The following APOL2 variants were observed in gnomAD, a reference collection of about 807,000 sequenced individuals.
APOL2 encodes the protein apolipoprotein L2.
A neutral mutation model predicts 7.1 loss-of-function variants in APOL2; 8 were observed. The observed-to-expected ratio is 1.12, with a 90% CI of 0.66 to 2.03. The LOEUF is 2.03. APOL2 is among the 30% of genes most tolerant of loss of function. The pLI is 0.00. For synonymous variants in APOL2, 177 were observed against 159.9 expected, an observed-to-expected ratio of 1.11 and a Z score of -0.81; for missense variants, 471 against 415.1, an observed-to-expected ratio of 1.13 and a Z score of -1.17.
intron 3 of APOL2, among the ~76,000 whole-genome samples, chr22:36,232,737 G>C (rs1270423290): frequency 6.6e-6 from 1 of 152,068 alleles, no homozygotes; most frequent in African/African-American, 2.4e-5. Context: ...GGACCGGCCT[G>C]TGCTGGAAAA....
At position 36,227,336 on chromosome 22, in the gene APOL2, AAAAAAG is replaced by A; in HGVS notation, c.*62_*67del. 1 of 1,465,044 alleles carries A rather than the reference AAAAAAG, an allele frequency of 6.8e-7. No homozygotes were observed. Among genetic ancestry groups the A allele is most frequent in the Non-Finnish European group, 9.1e-7 (1 of 1,100,152 alleles). The allele number at this position is 1,465,044 out of a possible 1,614,324, so 90.8% of individuals were successfully genotyped here. ...ATCTCAAAAAAAAAAAAAAAAAAAA[AAAAAAG>A]TCTGCATTTTGTCCTGGCCTGTGCC... is the stretch of plus-strand genomic sequence containing the variant. On this transcript the variant is annotated 3_prime_UTR_variant, in exon 5 of 5. Coordinates refer to ENST00000358502, the MANE Select transcript of APOL2 (RefSeq NM_030882.4).
At chr22:36,237,002 C>A in intron 1 of APOL2, 1 of 1,401,370 alleles carries the variant, frequency 7.1e-7, no homozygotes, top group Non-Finnish European at 9.3e-7. Flanking sequence ...GCCATGAGAA[C>A]CAGGAGGACC....
chr22:36,238,813 G>A (rs891806753), intron 1 of APOL2, among the ~76,000 whole-genome samples: 1 of 152,140 alleles, frequency 6.6e-6, no homozygotes, highest in Non-Finnish European at 1.5e-5. Context: ...AGAGGTGAGG[G>A]CCAGAGACGT....
At position 36,237,933 on chromosome 22, in the gene APOL2, G is replaced by A. The variant is rs146619449; in HGVS notation, c.-134+1508C>T. Among the ~76,000 whole-genome samples, 883 of 151,924 alleles carry A rather than the reference G, an allele frequency of 5.8e-3. 2 individuals carry two copies. The highest frequency in any genetic ancestry group is 0.02 in the African/African-American group (821 of 41,392). ...CAGGCCTTCACTCAGCTGCTCCCTC[G>A]CCCTGGAATGTCCCCCCCACTGTCC... On this transcript the variant is annotated intron_variant, in intron 1 of 4. Coordinates refer to ENST00000358502, the MANE Select transcript of APOL2 (RefSeq NM_030882.4).
chr22:36,230,569 C>G (rs1337932578), intron 4 of APOL2, among the ~76,000 whole-genome samples: 1 of 152,180 alleles, frequency 6.6e-6, no homozygotes, highest in South Asian at 2.1e-4. Context: ...CATCCTGACT[C>G]CAGGCTCTGA....
intron 1 of APOL2, chr22:36,237,331 G>C: frequency 7.5e-7 from 1 of 1,335,596 alleles, no homozygotes; most frequent in Non-Finnish European, 9.7e-7. Context: ...TCTCAGCAAA[G>C]CATCTCCCTC....
upstream of APOL2, chr22:36,239,852 C>T (rs1289718400): frequency 6.8e-6 from 2 of 295,732 alleles, no homozygotes; most frequent in Admixed American, 4.8e-5. Context: ...CCCCCCAACC[C>T]CCGCCCCGAT....
At chr22:36,233,300 G>A (rs2015293622) in intron 2 of APOL2, 59 bp from the exon 3 acceptor site, 1 of 1,600,618 alleles carries the variant, frequency 6.2e-7, no homozygotes, top group Non-Finnish European at 8.5e-7. Flanking sequence ...TACAGAGGGA[G>A]GCTGGAGGGG....
intron 3 of APOL2, among the ~76,000 whole-genome samples, chr22:36,231,746 T>A (rs2015232947): frequency 6.6e-6 from 1 of 152,176 alleles, no homozygotes. Flanking sequence ...AGGGCTAGTG[T>A]CCTATTGTAA....
At position 36,226,670 on chromosome 22, in the gene APOL2, G is replaced by GGC. The variant is rs1569532247; in HGVS notation, c.*733_*734insGC. ...TGGAAGGACATCAAACCTGGGGGGG[G>GGC]GTCGGTAGTGGAGCTGCTGTTTCTT... On this transcript the variant is annotated 3_prime_UTR_variant, in exon 5 of 5. Coordinates refer to ENST00000358502, the MANE Select transcript of APOL2 (RefSeq NM_030882.4). 1 of 153,622 alleles carries GGC rather than the reference G, an allele frequency of 6.5e-6. No individual in the cohort carries two copies. Among genetic ancestry groups the GGC allele is most frequent in the African/African-American group, 2.4e-5 (1 of 41,322 alleles). 9.5% of individuals were successfully genotyped at this position (153,622 alleles called of 1,614,324 possible).
upstream of APOL2, chr22:36,239,622 T>C (rs548826600): frequency 1.5e-5 from 14 of 926,648 alleles, no homozygotes; most frequent in African/African-American, 3.3e-5. Flanking sequence ...CCAAGCACAG[T>C]AAACACGCTG....
intron 1 of APOL2, among the ~76,000 whole-genome samples, chr22:36,235,744 GGTGGGT>G (rs1556621124): frequency 9.9e-6 from 1 of 100,972 alleles, no homozygotes; most frequent in African/African-American, 5.1e-5. Context: ...AGGAAGAAAG[GGTGGGT>G]GGGTGGGTGT....
chr22:36,231,610 G>A (rs2015228481), intron 3 of APOL2, 144 bp from the exon 4 acceptor site: 1 of 1,008,668 alleles, frequency 9.9e-7, no homozygotes, highest in Non-Finnish European at 1.4e-6. Context: ...GCTATAGAGG[G>A]ATTGTGTGCC....
intron 1 of APOL2, among the ~76,000 whole-genome samples, chr22:36,238,839 G>A (rs1225260666): frequency 5.3e-5 from 8 of 152,168 alleles, no homozygotes; most frequent in Non-Finnish European, 1.2e-4. Context: ...CCTATGATCT[G>A]CCTGCTCAGC....
At chr22:36,237,175 C>A in intron 1 of APOL2, 1 of 1,501,782 alleles carries the variant, frequency 6.7e-7, no homozygotes, top group East Asian at 2.6e-5. Context: ...GATACTGCCC[C>A]TCAGGCTTGA....
Position 36,228,122 on chromosome 22 carries a change from A to G in APOL2, c.296T>C (p.Leu99Pro), listed in dbSNP as rs1362008051. ...CTCAACCTCCTCTGCAAGGGCACGG[A>G]GCTTCCTTATGTGATCCTCAAGCTC... The part of the protein sequence containing the change: ...KRELEDHIRK[L>P]RALAEEVEQV... Residue 99 changes from leucine to proline, a missense_variant, in exon 5 of 5, where the codon CTC becomes CCC. By Grantham distance (98) the Leu-to-Pro change is moderately conservative. Coordinates refer to ENST00000358502, the MANE Select transcript of APOL2 (RefSeq NM_030882.4). The G allele has an allele frequency of 5.0e-6, 8 of 1,614,086 alleles. No homozygotes were observed. Among genetic ancestry groups the G allele is most frequent in the African/African-American group, 1.3e-5 (1 of 74,936 alleles).
In APOL2 at chr22:36,226,431, G is replaced by A. The variant is rs965296588; in HGVS notation, c.*973C>T. ...TCAGGGACACCTGCTCCTCAGCTGGGGATTGTGGCCATGGCCTACCACCTG... is the reference window on the plus strand; with the variant it reads ...TCAGGGACACCTGCTCCTCAGCTGGAGATTGTGGCCATGGCCTACCACCTG... On this transcript the variant is annotated 3_prime_UTR_variant, in exon 5 of 5. Transcript: ENST00000358502. The A allele has an allele frequency of 6.6e-6, 1 of 152,308 alleles. No homozygotes were observed. Among genetic ancestry groups the A allele is most frequent in the Non-Finnish European group, 1.5e-5 (1 of 68,164 alleles). 9.4% of individuals were successfully genotyped at this position (152,308 alleles called of 1,614,324 possible). A position where few individuals can be genotyped will look rare whatever the true frequency, so the allele number is the denominator to read the frequency against.
intron 4 of APOL2, among the ~76,000 whole-genome samples, 200 bp from the exon 5 acceptor site, chr22:36,228,480 T>C (rs921533224): frequency 9.9e-5 from 15 of 152,252 alleles, no homozygotes; most frequent in Admixed American, 9.8e-4. Flanking sequence ...TTATTCCATA[T>C]GGAAATAAAT....
chr22:36,234,895 G>A (rs1290020340), intron 1 of APOL2, among the ~76,000 whole-genome samples: 1 of 152,196 alleles, frequency 6.6e-6, no homozygotes, highest in Non-Finnish European at 1.5e-5. Flanking sequence ...GTAAAGACTG[G>A]GTTCCCACCC....
Sources: gnomAD v4.1 joint callset for allele counts (sites outside exome capture counted in the v4.1 genomes callset) on GRCh38, gnomAD v4.1.1 for gene constraint, MANE v1.5 for transcripts, NCBI Gene and HGNC (gene_info 2026-07-23, HGNC 2026-07-21) for gene names.